CCDC63: variants seen among roughly 807,000 people sequenced by gnomAD.
The protein encoded by CCDC63 is coiled-coil domain containing 63, also known as coiled-coil domain-containing protein 63.
In CCDC63, 54 loss-of-function variants were observed where a neutral mutation model predicts 63.6. The observed-to-expected ratio is 0.85, with a 90% confidence interval of 0.68 to 1.07. CCDC63 has a LOEUF of 1.07. Ranked by LOEUF, CCDC63 falls within the 50% of genes least tolerant of loss-of-function variation. The pLI, the probability that CCDC63 is intolerant of heterozygous loss-of-function variation, is 0.00. For missense variants in CCDC63, 637 were observed against 689.6 expected (o/e 0.92, Z 0.86); for synonymous variants, 253 against 266.1 (o/e 0.95, Z 0.48).
chr12:110,854,368 CA>C (rs1420731215), intron 3 of CCDC63, among the ~76,000 whole-genome samples: 1 of 146,726 alleles, frequency 6.8e-6, no homozygotes, highest in Non-Finnish European at 1.5e-5. Context: ...GATCCCAGCT[CA>C]CTGCAACCTC....
At chr12:110,867,868 A>G (rs79415537) in intron 4 of CCDC63, among the ~76,000 whole-genome samples, 41,951 of 121,240 alleles carry the variant, frequency 0.35, 5,291 homozygotes, top group African/African-American at 0.43. Flanking sequence ...GGTGGCTGCC[A>G]GGTGGAGACG....
upstream of CCDC63, among the ~76,000 whole-genome samples, chr12:110,846,357 A>G (rs1426661990): frequency 6.6e-6 from 1 of 152,170 alleles, no homozygotes; most frequent in Admixed American, 6.5e-5. Context: ...AAAAATGTGT[A>G]TCTTTAAACC....
intron 4 of CCDC63, among the ~76,000 whole-genome samples, chr12:110,860,289 G>A (rs1478708278): frequency 3.3e-5 from 5 of 152,196 alleles, no homozygotes; most frequent in Non-Finnish European, 7.3e-5. Context: ...AGAGCAGTGG[G>A]TCTGGGGGGC....
At chr12:110,858,062 T>C (rs2070797649) in intron 3 of CCDC63, among the ~76,000 whole-genome samples, 1 of 151,212 alleles carries the variant, frequency 6.6e-6, no homozygotes, top group Non-Finnish European at 1.5e-5. Context: ...GCCGAGATCA[T>C]GCCACTGCAC....
At chr12:110,868,176 C>T (rs1410637469) in intron 4 of CCDC63, among the ~76,000 whole-genome samples, 30 of 147,302 alleles carry the variant, frequency 2.0e-4, no homozygotes, top group Middle Eastern at 3.5e-3. Context: ...GATGTGATGG[C>T]GGCTGGGAAG....
At chr12:110,854,291 C>CTT (rs1242009926) in intron 3 of CCDC63, among the ~76,000 whole-genome samples, 5 of 53,268 alleles carry the variant, frequency 9.4e-5, no homozygotes, top group Admixed American at 2.2e-4. Flanking sequence ...CATTTCTTTT[C>CTT]TCTTTTTTTT....
At chr12:110,904,936 C>A in intron 11 of CCDC63, 145 bp downstream of exon 11, 1 of 560,464 alleles carries the variant, frequency 1.8e-6, no homozygotes, top group Non-Finnish European at 3.0e-6. Flanking sequence ...CCTGCCAGTT[C>A]CCTTGGGTGC....
At chr12:110,853,604 T>A (rs973487792) in intron 3 of CCDC63, 30 bp downstream of exon 3, 1 of 1,613,434 alleles carries the variant, frequency 6.2e-7, no homozygotes, top group Non-Finnish European at 8.5e-7. Context: ...TCGCACTGAG[T>A]GACCTTGGAG....
chr12:110,904,544 C>G (rs764804080), intron 10 of CCDC63, 44 bp from the exon 11 acceptor site: 2 of 1,583,258 alleles, frequency 1.3e-6, no homozygotes, highest in Admixed American at 1.7e-5. Context: ...CCCCCAGGCC[C>G]AGGTCTCTCG....
Position 110,880,178 on chromosome 12 carries a change from C to G in CCDC63, c.671+91C>G, listed in dbSNP as rs550095423. On this transcript the variant is annotated intron_variant, in intron 6 of 11. Coordinates refer to ENST00000308208, the MANE Select transcript of CCDC63 (RefSeq NM_152591.3). ...ACTCTGGGCCACCACTGTCCCTGGT[C>G]GTTATGTGTTGGGGAATCTTAAATC... is the stretch of plus-strand genomic sequence containing the variant. The G allele has an allele frequency of 1.3e-5, 14 of 1,113,906 alleles. No individual in the cohort carries two copies. In the East Asian group the frequency reaches 3.3e-4, roughly 26 times the overall value. 69.0% of individuals were successfully genotyped at this position (1,113,906 alleles called of 1,614,324 possible).
chr12:110,879,772 A>G (rs2071173917), intron 5 of CCDC63, 134 bp from the exon 6 acceptor site: 2 of 802,364 alleles, frequency 2.5e-6, no homozygotes, highest in African/African-American at 1.7e-5. Flanking sequence ...CCTCTTGCCT[A>G]CTGCTCCAAC....
chr12:110,886,317 T>C (rs2071278124), intron 8 of CCDC63, among the ~76,000 whole-genome samples: 1 of 150,978 alleles, frequency 6.6e-6, no homozygotes, highest in Non-Finnish European at 1.5e-5. Flanking sequence ...ACCCGGGAGG[T>C]GGAGGTTGCA....
intron 10 of CCDC63, among the ~76,000 whole-genome samples, chr12:110,902,172 G>C (rs1426947300): frequency 6.6e-6 from 1 of 152,158 alleles, no homozygotes; most frequent in African/African-American, 2.4e-5. Context: ...ACTCTTATCA[G>C]TTAATGGTGT....
At chr12:110,871,022 A>C (rs2071058636) in intron 4 of CCDC63, among the ~76,000 whole-genome samples, 1 of 152,226 alleles carries the variant, frequency 6.6e-6, no homozygotes, top group Non-Finnish European at 1.5e-5. Flanking sequence ...CTCTAAGCCC[A>C]GTGGCTTTGC....
chr12:110,873,191 G>A (rs574931293), intron 4 of CCDC63, among the ~76,000 whole-genome samples: 3 of 152,236 alleles, frequency 2.0e-5, no homozygotes, highest in Middle Eastern at 3.4e-3. Context: ...AGCCAAGATC[G>A]CGCCACAGCA....
chr12:110,845,763 C>CT (rs71083150), upstream of CCDC63: 4,273 of 141,142 alleles, frequency 0.03, 91 homozygotes, highest in East Asian at 0.1. Flanking sequence ...ATGGTAAGTT[C>CT]TTTTTTTTTT....
At chr12:110,904,322 C>T (rs2136752581) in intron 10 of CCDC63, among the ~76,000 whole-genome samples, 1 of 147,272 alleles carries the variant, frequency 6.8e-6, no homozygotes, top group Non-Finnish European at 1.5e-5. Context: ...GCCTGGGCAA[C>T]AGAGCCAGAC....
intron 5 of CCDC63, among the ~76,000 whole-genome samples, chr12:110,878,254 A>G (rs1463321574): frequency 1.3e-5 from 2 of 152,220 alleles, no homozygotes. Context: ...ATGTATACAT[A>G]CATATACACA....
intron 9 of CCDC63, 89 bp downstream of exon 9, chr12:110,893,239 G>A (rs897046046): frequency 5.8e-6 from 6 of 1,035,878 alleles, no homozygotes; most frequent in South Asian, 4.2e-5. Flanking sequence ...TGTCCGTCGG[G>A]CATCTGTCAG....
Sources: allele counts gnomAD v4.1 joint callset (sites outside exome capture counted in the v4.1 genomes callset), GRCh38; gene constraint gnomAD v4.1.1; transcripts MANE v1.5; gene names NCBI Gene and HGNC (gene_info 2026-07-23, HGNC 2026-07-21).